Variants in PBX1 observed in about 807,000 individuals in gnomAD.
PBX1 encodes the protein PBX homeobox 1, also known as pre-B-cell leukemia transcription factor 1.
PBX1 carries 6 observed loss-of-function variants against 53.4 expected under a neutral mutation model. That is an observed-to-expected ratio of 0.11 (90% CI 0.06 to 0.22). PBX1 has a LOEUF of 0.22. Ranked by LOEUF, PBX1 falls within the 10% of genes least tolerant of loss-of-function variation. The pLI is 1.00. For missense variants in PBX1, 251 were observed against 551.4 expected (o/e 0.46, Z 5.46); for synonymous variants, 204 against 212.3 (o/e 0.96, Z 0.34).
intron 2 of PBX1, among the ~76,000 whole-genome samples, chr1:164,702,273 G>A (rs923965692): frequency 2.6e-5 from 4 of 152,062 alleles, no homozygotes; most frequent in Non-Finnish European, 5.9e-5. Context: ...ATGTGCACCT[G>A]AACATTCATG....
chr1:164,683,146 A>G (rs1411800673), intron 2 of PBX1: 1 of 152,202 alleles, frequency 6.6e-6, no homozygotes, highest in African/African-American at 2.4e-5. Context: ...CTGTATTTGC[A>G]TGGCCCTGTA....
At position 164,677,237 on chromosome 1, in the gene PBX1, C is replaced by T. The variant is rs866202457; in HGVS notation, c.265+113926C>T. Among the ~76,000 whole-genome samples, 9 of 151,740 alleles carry T rather than the reference C, an allele frequency of 5.9e-5. No individual in the cohort carries two copies. In the South Asian group the frequency reaches 8.4e-4, roughly 14 times the overall value. On this transcript the variant is annotated intron_variant, in intron 2 of 8. Transcript: ENST00000420696. ...CCTCCCGAGTAGCTGGGACTACAGGCGCCCGCCACCGCGCCCGGCTAATTT... is the reference window on the plus strand; with the variant it reads ...CCTCCCGAGTAGCTGGGACTACAGGTGCCCGCCACCGCGCCCGGCTAATTT...
At chr1:164,676,583 G>A (rs1012679387) in intron 2 of PBX1, among the ~76,000 whole-genome samples, 1 of 152,178 alleles carries the variant, frequency 6.6e-6, no homozygotes, top group African/African-American at 2.4e-5. Context: ...AGCTTTTTGG[G>A]CACAGACACC....
intron 2 of PBX1, among the ~76,000 whole-genome samples, chr1:164,655,114 T>TTTA: frequency 6.8e-6 from 1 of 146,784 alleles, no homozygotes; most frequent in East Asian, 2.0e-4. Flanking sequence ...TTTTTTTTTT[T>TTTA]TTATTTTTAT....
At chr1:164,707,418 T>TGTGTGTGTGTGAGAGAGAGAGAGA (rs58617739) in intron 2 of PBX1, among the ~76,000 whole-genome samples, 2 of 118,214 alleles carry the variant, frequency 1.7e-5, no homozygotes, top group African/African-American at 7.7e-5. Context: ...TGTGTGTGTG[T>TGTGTGTGTGTGAGAGAGAGAGAGA]GAGAGAGAGA....
intron 2 of PBX1, among the ~76,000 whole-genome samples, chr1:164,707,828 A>G (rs533966178): frequency 6.6e-6 from 1 of 152,304 alleles, no homozygotes; most frequent in African/African-American, 2.4e-5. Context: ...TTAATTTCCC[A>G]CTAAATAGAG....
At chr1:164,611,042 C>G (rs1354745722) in intron 2 of PBX1, among the ~76,000 whole-genome samples, 1 of 152,154 alleles carries the variant, frequency 6.6e-6, no homozygotes, top group Non-Finnish European at 1.5e-5. Flanking sequence ...CTGTGTCTGT[C>G]CCAGCTCCAT....
chr1:164,715,271 CAG>C (rs771843707), intron 2 of PBX1, among the ~76,000 whole-genome samples: 9 of 152,300 alleles, frequency 5.9e-5, no homozygotes, highest in Middle Eastern at 3.4e-3. Context: ...TCAGGAGAAA[CAG>C]TGAAAAATGA....
intron 2 of PBX1, among the ~76,000 whole-genome samples, chr1:164,564,655 A>G (rs1383119596): frequency 6.6e-6 from 1 of 152,156 alleles, no homozygotes; most frequent in Non-Finnish European, 1.5e-5. Context: ...CCAAAGCTTA[A>G]CCTTATTGCA....
At chr1:164,622,212 C>T (rs764288547) in intron 2 of PBX1, among the ~76,000 whole-genome samples, 2 of 152,172 alleles carry the variant, frequency 1.3e-5, no homozygotes, top group South Asian at 2.1e-4. Flanking sequence ...TGTAAAACAG[C>T]GGGTTGCCAG....
At chr1:164,810,741 G>C (rs1471575772) in intron 5 of PBX1, among the ~76,000 whole-genome samples, 2 of 152,062 alleles carry the variant, frequency 1.3e-5, no homozygotes, top group Admixed American at 6.6e-5. Flanking sequence ...ACACCCAAAA[G>C]TGTCCTTCCT....
intron 2 of PBX1, among the ~76,000 whole-genome samples, chr1:164,748,183 A>G (rs1356976913): frequency 6.6e-6 from 1 of 152,200 alleles, no homozygotes; most frequent in African/African-American, 2.4e-5. Context: ...CCTTTATTAA[A>G]AAGTACATGA....
At chr1:164,744,481 C>A (rs1665787617) in intron 2 of PBX1, among the ~76,000 whole-genome samples, 1 of 152,138 alleles carries the variant, frequency 6.6e-6, no homozygotes. Context: ...ATTTTTGTAG[C>A]CTCCATAGGT....
At chr1:164,748,065 T>A (rs760124100) in intron 2 of PBX1, among the ~76,000 whole-genome samples, 5 of 152,128 alleles carry the variant, frequency 3.3e-5, no homozygotes, top group Non-Finnish European at 7.4e-5. Flanking sequence ...ATGGGCACCA[T>A]TCGTGTTTTT....
At chr1:164,866,092 C>G (rs1289171388) in intron 2 of PBX1, among the ~76,000 whole-genome samples, 1 of 152,162 alleles carries the variant, frequency 6.6e-6, no homozygotes. Context: ...CACCAGCCAC[C>G]AGATCATGGC....
At chr1:164,587,307 G>A (rs1468886861) in intron 2 of PBX1, among the ~76,000 whole-genome samples, 4 of 152,236 alleles carry the variant, frequency 2.6e-5, no homozygotes, top group African/African-American at 7.2e-5. Flanking sequence ...AGGAACACCA[G>A]AGGGGAGTGT....
chr1:164,811,735 G>A (rs1440549256), intron 5 of PBX1, among the ~76,000 whole-genome samples: 1 of 152,142 alleles, frequency 6.6e-6, no homozygotes, highest in African/African-American at 2.4e-5. Context: ...GCTTAAATGA[G>A]CAGCTCCTTT....
intron 2 of PBX1, among the ~76,000 whole-genome samples, chr1:164,625,458 G>A (rs1033733109): frequency 3.3e-5 from 5 of 152,074 alleles, no homozygotes; most frequent in African/African-American, 4.8e-5. Flanking sequence ...TTTATTGTAC[G>A]CAGAAAGACA....
At chr1:164,706,221 G>A (rs994228371) in intron 2 of PBX1, among the ~76,000 whole-genome samples, 2 of 152,064 alleles carry the variant, frequency 1.3e-5, no homozygotes, top group East Asian at 3.9e-4. Flanking sequence ...CATCTCTGTG[G>A]GTCACTGGGC....
Sources: allele counts gnomAD v4.1 joint callset (sites outside exome capture counted in the v4.1 genomes callset), GRCh38; gene constraint gnomAD v4.1.1; transcripts MANE v1.5; gene names NCBI Gene and HGNC (gene_info 2026-07-23, HGNC 2026-07-21).